NHSL2: variants seen among roughly 807,000 people sequenced by gnomAD.
NHSL2 encodes NHS-like protein 2.
A neutral mutation model predicts 53.4 loss-of-function variants in NHSL2; 27 were observed. The ratio of observed to expected loss-of-function variants is 0.51; its 90% CI spans 0.37 to 0.70. The LOEUF (loss-of-function observed/expected upper bound fraction) is 0.70. NHSL2 is among the 30% of genes least tolerant of loss of function. NHSL2 has a pLI of 0.00. For synonymous variants in NHSL2, 408 were observed against 404.1 expected (o/e 1.01, Z -0.12); for missense variants, 892 against 980.1 (o/e 0.91, Z 1.20).
Position 72,135,335 on chromosome X carries a change from G to C in NHSL2, c.760+631G>C, listed in dbSNP as rs976676479. Among the ~76,000 whole-genome samples, 4 of 111,941 alleles carry C rather than the reference G, an allele frequency of 3.6e-5. No individual in the cohort carries two copies. In the Admixed American group the frequency reaches 3.8e-4, roughly 11 times the overall value. ...AACGTGCTGTATTATATGTAGCCCAGCTGGCTGTGGCTCTGGGGGCATGTG... is the reference window on the plus strand; with the variant it reads ...AACGTGCTGTATTATATGTAGCCCACCTGGCTGTGGCTCTGGGGGCATGTG... On this transcript the variant is annotated intron_variant, in intron 4 of 7. Transcript: ENST00000633930.
chrX:72,140,415 C>G lies in NHSL2; in HGVS notation c.2867C>G (p.Ser956Cys). 8.3e-7 allele frequency: 1 copy of G among 1,209,803 alleles called. No homozygotes were observed. Among genetic ancestry groups the G allele is most frequent in the Non-Finnish European group, 1.1e-6 (1 of 894,427 alleles). The change falls in exon 6 of 8, where the codon TCT becomes TGT. Residue 956 changes from serine to cysteine, a missense_variant. Coordinates refer to ENST00000633930, the MANE Select transcript of NHSL2 (RefSeq NM_001013627.3). ...SLVFTPFASS[S>C]DAFFSGTQQP... ...GTTTTCACGCCTTTTGCCAGTTCCT[C>G]TGATGCTTTCTTCTCAGGAACACAG...
chrX:72,032,028 G>T (rs1299959688), intron 1 of NHSL2, among the ~76,000 whole-genome samples: 1 of 110,340 alleles, frequency 9.1e-6, no homozygotes, highest in African/African-American at 3.3e-5. Context: ...TTTATCACAT[G>T]TATAGATTTG....
At chrX:72,051,152 C>T (rs773168838) in intron 1 of NHSL2, among the ~76,000 whole-genome samples, 43 of 112,013 alleles carry the variant, frequency 3.8e-4, no homozygotes, top group African/African-American at 1.4e-3. Context: ...GTATCTGTCC[C>T]TTTTACACCC....
intron 1 of NHSL2, among the ~76,000 whole-genome samples, chrX:71,995,583 C>T (rs2042046575): frequency 9.0e-6 from 1 of 111,653 alleles, no homozygotes; most frequent in South Asian, 3.7e-4. Context: ...AAATCTTTTC[C>T]TCTAGGTACC....
chrX:72,118,816 C>T (rs1056416433), intron 1 of NHSL2, among the ~76,000 whole-genome samples: 1 of 112,014 alleles, frequency 8.9e-6, no homozygotes, highest in Non-Finnish European at 1.9e-5. Context: ...GTTATTTGTG[C>T]TACTAATGTC....
chrX:71,945,067 G>T (rs990956999), intron 1 of NHSL2, among the ~76,000 whole-genome samples: 5 of 112,406 alleles, frequency 4.4e-5, no homozygotes, highest in Non-Finnish European at 9.4e-5. Flanking sequence ...TGAAATCAAA[G>T]AGGAATTAGG....
chrX:71,990,041 G>A (rs1025308846), intron 1 of NHSL2, among the ~76,000 whole-genome samples: 3 of 112,541 alleles, frequency 2.7e-5, no homozygotes, highest in Non-Finnish European at 5.6e-5. Flanking sequence ...CCATTGTTCT[G>A]GCATTGCGGT....
intron 1 of NHSL2, among the ~76,000 whole-genome samples, chrX:71,977,544 C>T (rs1162654969): frequency 9.1e-6 from 1 of 110,162 alleles, no homozygotes; most frequent in African/African-American, 3.3e-5. Context: ...ACCTCAGCCC[C>T]CCAGTAGCTG....
chrX:71,998,713 C>G (rs1350644356), intron 1 of NHSL2, among the ~76,000 whole-genome samples: 1 of 111,492 alleles, frequency 9.0e-6, no homozygotes, highest in Admixed American at 9.5e-5. Context: ...TTCAGCTCCC[C>G]CTTCATCTTT....
chrX:72,137,326 G>T lies in NHSL2; in HGVS notation c.892+101G>T, dbSNP rs376930863. Reference sequence around the variant, plus strand: ...GTGGTGATGGGGAACAGGAATAATTGGGTGGAGGAGGGGGCCTCCGGATGT... The same window carrying T: ...GTGGTGATGGGGAACAGGAATAATTTGGTGGAGGAGGGGGCCTCCGGATGT... On this transcript the variant is annotated intron_variant, in intron 5 of 7. Transcript: ENST00000633930. The T allele has an allele frequency of 4.5e-5, 36 of 807,582 alleles. No individual in the cohort carries two copies. The East Asian group carries it at 1.1e-3, about 24-fold the overall frequency. 66.6% of individuals were successfully genotyped at this position (807,582 alleles called of 1,213,427 possible). A position where few individuals can be genotyped will look rare whatever the true frequency, so the allele number is the denominator to read the frequency against.
At chrX:72,025,178 A>C (rs2042179283) in intron 1 of NHSL2, among the ~76,000 whole-genome samples, 1 of 112,502 alleles carries the variant, frequency 8.9e-6, no homozygotes, top group African/African-American at 3.2e-5. Flanking sequence ...TGTACCCTAT[A>C]AATATATACA....
In NHSL2 at chrX:71,911,081, G is replaced by A. The variant is rs904295965; in HGVS notation, c.-7G>A. On this transcript the variant is annotated 5_prime_UTR_variant, in exon 1 of 8. Coordinates refer to ENST00000633930, the MANE Select transcript of NHSL2 (RefSeq NM_001013627.3). ...ACTGGTCCCCTGCGCCCGCGCCCGCGGCCGGGATGCCGTTCTACAGGCGCA... is the reference window on the plus strand; with the variant it reads ...ACTGGTCCCCTGCGCCCGCGCCCGCAGCCGGGATGCCGTTCTACAGGCGCA... 4.0e-6 allele frequency: 4 copies of A among 996,737 alleles called. No individual in the cohort carries two copies. The highest frequency in any genetic ancestry group is 5.1e-6 in the Non-Finnish European group (4 of 791,358). The allele number at this position is 996,737 out of a possible 1,213,427, so 82.1% of individuals were successfully genotyped here.
At position 72,139,105 on chromosome X, in the gene NHSL2, TG is replaced by T; in HGVS notation, c.1558del (p.Glu520ArgfsTer189). ...ACTATGATGAGGAGCAGAAGGCCAA[TG>T]AGGCCTGTGCCCTGCCTTTTGCCAG... ...VDYDEEQKAN[E>X]ACALPFASTS... On this transcript the variant is annotated frameshift_variant, in exon 6 of 8. Coordinates refer to ENST00000633930, the MANE Select transcript of NHSL2 (RefSeq NM_001013627.3). LOFTEE classifies it high-confidence loss of function. 1 of 1,169,616 alleles carries T rather than the reference TG, an allele frequency of 8.5e-7. No individual in the cohort carries two copies. Among genetic ancestry groups the T allele is most frequent in the Non-Finnish European group, 1.1e-6 (1 of 873,658 alleles).
chrX:72,140,809 A>G (rs1028582080), intron 6 of NHSL2, 38 bp downstream of exon 6: 1 of 1,050,057 alleles, frequency 9.5e-7, no homozygotes, highest in Admixed American at 2.9e-5. Flanking sequence ...CTTCAGTCAC[A>G]GGAGAGATGA....
intron 1 of NHSL2, among the ~76,000 whole-genome samples, chrX:72,117,486 C>G (rs1161995945): frequency 9.2e-6 from 1 of 108,828 alleles, no homozygotes; most frequent in African/African-American, 3.4e-5. Context: ...ATACAATTCA[C>G]TGGGTTTTAA....
At chrX:72,121,948 A>G (rs750197531) in intron 1 of NHSL2, among the ~76,000 whole-genome samples, 1 of 112,544 alleles carries the variant, frequency 8.9e-6, no homozygotes, top group East Asian at 2.8e-4. Context: ...TAAGTATCTC[A>G]AAAAATCATT....
intron 1 of NHSL2, among the ~76,000 whole-genome samples, chrX:71,975,832 C>T (rs2041945991): frequency 9.0e-6 from 1 of 111,522 alleles, no homozygotes; most frequent in African/African-American, 3.3e-5. Flanking sequence ...GAATAACAGC[C>T]CAGTGCTGCC....
intron 1 of NHSL2, among the ~76,000 whole-genome samples, chrX:71,921,878 A>T (rs1602260172): frequency 8.9e-6 from 1 of 112,543 alleles, no homozygotes; most frequent in African/African-American, 3.2e-5. Context: ...CTGATGTGGC[A>T]CACTCTTTCA....
chrX:72,124,507 A>G, intron 1 of NHSL2, among the ~76,000 whole-genome samples: 1 of 111,820 alleles, frequency 8.9e-6, no homozygotes, highest in Middle Eastern at 4.6e-3. Context: ...ATTAAATGTC[A>G]CACGGGCTAG....
Sources: allele counts gnomAD v4.1 joint callset (sites outside exome capture counted in the v4.1 genomes callset), GRCh38; gene constraint gnomAD v4.1.1; transcripts MANE v1.5; gene names NCBI Gene and HGNC (gene_info 2026-07-23, HGNC 2026-07-21).